Variants in ARL10 observed in about 807,000 individuals in gnomAD.
The protein encoded by ARL10 is ADP-ribosylation factor-like protein 10.
ARL10 carries 23 observed loss-of-function variants against 26.1 expected under a neutral mutation model. The ratio of observed to expected loss-of-function variants is 0.88; its 90% CI spans 0.63 to 1.25. The LOEUF (loss-of-function observed/expected upper bound fraction) is 1.25, where lower values mean the gene tolerates loss of function less well. Ranked by LOEUF, ARL10 falls within the 50% of genes most tolerant of loss-of-function variation. The pLI is 0.00. For missense variants in ARL10, 300 were observed against 323.6 expected, an observed-to-expected ratio of 0.93 and a Z score of 0.56; for synonymous variants, 138 against 149.1, an observed-to-expected ratio of 0.93 and a Z score of 0.54.
chr5:176,382,691 G>A (rs1400517237), downstream of ARL10, among the ~76,000 whole-genome samples: 2 of 152,160 alleles, frequency 1.3e-5, no homozygotes, highest in East Asian at 3.8e-4. Flanking sequence ...GGAGGTTGAG[G>A]CTGCTTCTGC....
intron 2 of ARL10, among the ~76,000 whole-genome samples, chr5:176,367,278 G>A (rs1294665770): frequency 6.6e-6 from 1 of 151,926 alleles, no homozygotes; most frequent in African/African-American, 2.4e-5. Flanking sequence ...CAAAGTGCTG[G>A]GATTACAGGC....
intron 3 of ARL10, among the ~76,000 whole-genome samples, chr5:176,371,253 T>TAGTCCC (rs1326059615): frequency 6.6e-6 from 1 of 152,186 alleles, no homozygotes; most frequent in Non-Finnish European, 1.5e-5. Flanking sequence ...CTCACACCTG[T>TAGTCCC]AGTCCCAGCT....
chr5:176,391,670 G>A (rs139864537), downstream of ARL10, among the ~76,000 whole-genome samples: 26 of 152,344 alleles, frequency 1.7e-4, no homozygotes, highest in Admixed American at 5.9e-4. Flanking sequence ...AGAAGGCAAT[G>A]TGCAAACAGC....
chr5:176,392,668 T>C, downstream of ARL10: 8 of 1,325,630 alleles, frequency 6.0e-6, no homozygotes, highest in Non-Finnish European at 8.4e-6. This position sits in a 1 kb window ranked among gnomAD's most constrained non-coding sequence, Gnocchi z 5.2. Context: ...AGGAGTGGAA[T>C]AGGCTGTGGG....
chr5:176,366,457 C>A lies in ARL10; in HGVS notation c.261C>A (p.Gly87=). ...QREVLVLGLD[G]AGKSTFLRVL... is the part of the protein sequence containing the mutation. ...AGGTGCTGGTGCTGGGGCTGGATGG[C>A]GCAGGCAAGAGCACGTTCCTGCGCG... Residue 87 remains glycine, a synonymous_variant, in exon 2 of 4, where the codon GGC becomes GGA. Coordinates refer to ENST00000310389, the MANE Select transcript of ARL10 (RefSeq NM_173664.6). The A allele has an allele frequency of 1.2e-6, 2 of 1,613,630 alleles. No homozygotes were observed. The highest frequency in any genetic ancestry group is 1.3e-5 in the African/African-American group (1 of 75,056).
downstream of ARL10, chr5:176,383,854 G>C: frequency 1.1e-6 from 1 of 878,440 alleles, no homozygotes; most frequent in Non-Finnish European, 1.7e-6. Context: ...GCTGACAGGC[G>C]GGATGGCCTC....
chr5:176,406,217 C>T (rs555788824), downstream of ARL10: 1 of 1,001,774 alleles, frequency 1.0e-6, no homozygotes, highest in Non-Finnish European at 1.2e-6. Context: ...GGAGAGATCA[C>T]CAGCGGCTAG....
At chr5:176,412,598 C>T in the ARL10 span, among the ~76,000 whole-genome samples, 1 of 152,198 alleles carries the variant, frequency 6.6e-6, no homozygotes, top group African/African-American at 2.4e-5. Flanking sequence ...ACCAGCCAGA[C>T]AGGGCTGTGA....
chr5:176,410,282 G>A, the ARL10 span: 1 of 1,613,980 alleles, frequency 6.2e-7, no homozygotes, highest in Non-Finnish European at 8.5e-7. Flanking sequence ...ATTGACTGTG[G>A]TCCCCATGTC....
chr5:176,383,712 C>T (rs1369673065), downstream of ARL10, among the ~76,000 whole-genome samples: 1 of 152,204 alleles, frequency 6.6e-6, no homozygotes, highest in Non-Finnish European at 1.5e-5. Flanking sequence ...CAAGGCAGGC[C>T]CCTTCCAAAC....
the ARL10 span, among the ~76,000 whole-genome samples, chr5:176,411,946 G>A: frequency 1.3e-5 from 2 of 152,134 alleles, no homozygotes; most frequent in African/African-American, 4.8e-5. Flanking sequence ...GGAGGCTGAG[G>A]TGGGCAGATC....
chr5:176,366,108 T>C (rs1003354377), intron 1 of ARL10, among the ~76,000 whole-genome samples: 1 of 152,104 alleles, frequency 6.6e-6, no homozygotes, highest in Non-Finnish European at 1.5e-5. Flanking sequence ...CGCCCGGGGG[T>C]GGGGATGTCG....
At chr5:176,382,051 A>G (rs1755568485), downstream of ARL10, 1 of 152,274 alleles carries the variant, frequency 6.6e-6, no homozygotes, top group South Asian at 2.1e-4. Context: ...GGTGGTCAGC[A>G]GCTGTGCTCC....
At chr5:176,404,319 C>G (rs187872211), downstream of ARL10, among the ~76,000 whole-genome samples, 2 of 152,266 alleles carry the variant, frequency 1.3e-5, no homozygotes, top group African/African-American at 2.4e-5. Flanking sequence ...GACGCACCCC[C>G]ACACACCACC....
At chr5:176,397,744 G>A (rs1756615065) in intron 1 of ARL10, 3 of 1,601,258 alleles carry the variant, frequency 1.9e-6, no homozygotes, top group Non-Finnish European at 1.7e-6. Flanking sequence ...AGAATGAGTG[G>A]CTGCTTTCCA....
At chr5:176,400,922 G>C (rs138472596) in intron 1 of ARL10, among the ~76,000 whole-genome samples, 21 of 152,298 alleles carry the variant, frequency 1.4e-4, no homozygotes, top group African/African-American at 4.3e-4. Flanking sequence ...CACATAGATG[G>C]AACATCAGGG....
At position 176,373,254 on chromosome 5, in the gene ARL10, C is replaced by G. The variant is rs868199792; in HGVS notation, c.*1359C>G. 1 of 388,920 alleles carries G rather than the reference C, an allele frequency of 2.6e-6. No homozygotes were observed. Among genetic ancestry groups the G allele is most frequent in the Admixed American group, 4.5e-5 (1 of 22,432 alleles). The allele number at this position is 388,920 out of a possible 1,614,324, so 24.1% of individuals were successfully genotyped here. On this transcript the variant is annotated 3_prime_UTR_variant, in exon 4 of 4. Coordinates refer to ENST00000310389, the MANE Select transcript of ARL10 (RefSeq NM_173664.6). ...GACCCAATTTTTCCCCAGTGAAAGC[C>G]AAGTTGGACTGAATTTCTGGAGTTC... is the stretch of plus-strand genomic sequence containing the variant.
At chr5:176,367,806 C>T (rs995336856) in intron 2 of ARL10, 4 of 496,488 alleles carry the variant, frequency 8.1e-6, no homozygotes, top group African/African-American at 4.0e-5. Flanking sequence ...CCCTGTTCCA[C>T]CTCAGCCACT....
downstream of ARL10, chr5:176,385,429 C>T: frequency 4.2e-6 from 3 of 720,286 alleles, no homozygotes; most frequent in South Asian, 1.6e-5. Flanking sequence ...GCCACAAGAC[C>T]CACCACACCA....
Sources: allele counts gnomAD v4.1 joint callset (sites outside exome capture counted in the v4.1 genomes callset), GRCh38; gene constraint gnomAD v4.1.1; non-coding constraint Gnocchi (gnomAD v3.1); transcripts MANE v1.5; gene names NCBI Gene and HGNC (gene_info 2026-07-23, HGNC 2026-07-21).